PTH2R: variants seen among roughly 807,000 people sequenced by gnomAD.
PTH2R encodes PTH2 receptor.
In PTH2R, 59 loss-of-function variants were observed where a neutral mutation model predicts 60.3. The ratio of observed to expected loss-of-function variants is 0.98; its 90% CI spans 0.79 to 1.22. The LOEUF (loss-of-function observed/expected upper bound fraction) is 1.22, where lower values mean the gene tolerates loss of function less well. Ranked by LOEUF, PTH2R falls within the 50% of genes most tolerant of loss-of-function variation. The probability of loss-of-function intolerance (pLI) is 0.00; values close to 1 mark genes in which losing one functional copy is unlikely to be tolerated. For synonymous variants in PTH2R, 256 were observed against 243.8 expected, an observed-to-expected ratio of 1.05 and a Z score of -0.47; for missense variants, 749 against 682.6, an observed-to-expected ratio of 1.10 and a Z score of -1.08.
In PTH2R at chr2:208,434,216, A is replaced by G. The variant is rs1457488817; in HGVS notation, c.179-3321A>G. On this transcript the variant is annotated intron_variant, in intron 2 of 12. Transcript: ENST00000272847. ...GTAGTCCCAGCTACTTGGGAGGATG[A>G]ACAGGAAAACTGCTTGAACTCGGGA... Among the ~76,000 whole-genome samples the G allele has an allele frequency of 2.0e-5, 3 of 152,068 alleles. No homozygotes were observed. The East Asian group carries it at 5.8e-4, about 29-fold the overall frequency.
At position 208,493,547 on chromosome 2, in the gene PTH2R, A is replaced by G. The variant is rs372032169; in HGVS notation, c.1541A>G (p.Lys514Arg). 6.8e-6 allele frequency: 11 copies of G among 1,613,840 alleles called. No individual in the cohort carries two copies. Among genetic ancestry groups the G allele is most frequent in the Non-Finnish European group, 9.3e-6 (11 of 1,179,868 alleles). Residue 514 changes from lysine (K) to arginine (R), a missense_variant, in exon 13 of 13, where the codon AAG becomes AGG. By Grantham distance (26) the Lys-to-Arg change is conservative. Transcript: ENST00000272847. ...CLPHSFHEET[K>R]EDSGRQGDDI... ...CCACACTCTTTCCACGAGGAGACCA[A>G]GGAAGATAGTGGGAGGCAGGGAGAT...
intron 2 of PTH2R, among the ~76,000 whole-genome samples, chr2:208,431,094 T>C (rs1299189681): frequency 1.3e-5 from 2 of 152,356 alleles, no homozygotes; most frequent in African/African-American, 4.8e-5. Flanking sequence ...TCTTTGTGTG[T>C]CGATGTCTTA....
At chr2:208,450,307 C>T (rs921074851) in intron 7 of PTH2R, among the ~76,000 whole-genome samples, 1 of 152,282 alleles carries the variant, frequency 6.6e-6, no homozygotes, top group Non-Finnish European at 1.5e-5. Context: ...GTATGCCTTC[C>T]ATTTTTAGGA....
chr2:208,405,907 A>G (rs1054065117), upstream of PTH2R, among the ~76,000 whole-genome samples: 1 of 152,204 alleles, frequency 6.6e-6, no homozygotes, highest in Non-Finnish European at 1.5e-5. Flanking sequence ...GCGGGCTTTT[A>G]TCAGACACTG....
intron 7 of PTH2R, among the ~76,000 whole-genome samples, chr2:208,447,432 C>T (rs1702309024): frequency 6.6e-6 from 1 of 151,634 alleles, no homozygotes; most frequent in African/African-American, 2.4e-5. Context: ...ACTAAAAATA[C>T]AAAAAATTAG....
At chr2:208,488,676 C>T (rs1175252371) in intron 10 of PTH2R, among the ~76,000 whole-genome samples, 1 of 151,848 alleles carries the variant, frequency 6.6e-6, no homozygotes, top group Non-Finnish European at 1.5e-5. Context: ...GAAAGGTCAG[C>T]CCAAGCCTGG....
chr2:208,483,885 C>A (rs1334950034), intron 10 of PTH2R, among the ~76,000 whole-genome samples: 1 of 152,100 alleles, frequency 6.6e-6, no homozygotes, highest in African/African-American at 2.4e-5. Context: ...TTTGAGAATT[C>A]AATTCCATAT....
chr2:208,407,250 C>G, intron 1 of PTH2R, 132 bp downstream of exon 1: 1 of 695,900 alleles, frequency 1.4e-6, no homozygotes, highest in Non-Finnish European at 2.1e-6. Context: ...CGGCACGCAC[C>G]GAGGCGTACC....
At chr2:208,397,057 C>G (rs757730885) in intron 1 of PTH2R, among the ~76,000 whole-genome samples, 1 of 151,926 alleles carries the variant, frequency 6.6e-6, no homozygotes, top group Non-Finnish European at 1.5e-5. Flanking sequence ...GACCCAAGGA[C>G]AGAAAACCAA....
intron 1 of PTH2R, among the ~76,000 whole-genome samples, chr2:208,408,740 A>AGAAAGAGAGAGAGAGAG (rs1553542827): frequency 0.012 from 1,489 of 123,214 alleles, 46 homozygotes; most frequent in African/African-American, 0.042. Flanking sequence ...GAGAGAGAGA[A>AGAAAGAGAGAGAGAGAG]AGAGAGAGAG....
intron 9 of PTH2R, among the ~76,000 whole-genome samples, chr2:208,470,620 C>T (rs762232653): frequency 1.1e-4 from 17 of 151,442 alleles, no homozygotes; most frequent in Non-Finnish European, 1.6e-4. Context: ...CATCCCCAGC[C>T]GCATGGAACT....
intron 1 of PTH2R, among the ~76,000 whole-genome samples, chr2:208,414,688 C>T (rs1701604236): frequency 6.6e-6 from 1 of 151,934 alleles, no homozygotes. Context: ...GGTCTGCTAA[C>T]CAAATTCATT....
intron 9 of PTH2R, among the ~76,000 whole-genome samples, chr2:208,478,888 T>C (rs1293826692): frequency 6.6e-6 from 1 of 152,202 alleles, no homozygotes; most frequent in Non-Finnish European, 1.5e-5. Flanking sequence ...AGAAAATGCC[T>C]GTCTCATAGA....
At chr2:208,472,046 G>T (rs1385799672) in intron 9 of PTH2R, among the ~76,000 whole-genome samples, 1 of 152,124 alleles carries the variant, frequency 6.6e-6, no homozygotes, top group Admixed American at 6.5e-5. Context: ...ATCCCATTTG[G>T]AATGGCTGTA....
intron 1 of PTH2R, among the ~76,000 whole-genome samples, chr2:208,362,837 A>AGT (rs4021384): frequency 0.011 from 1,601 of 150,570 alleles, 32 homozygotes; most frequent in African/African-American, 0.035. Flanking sequence ...AACACTTATT[A>AGT]GTGTGTGTGT....
chr2:208,455,404 C>T (rs1486432729), intron 8 of PTH2R, among the ~76,000 whole-genome samples: 4 of 152,110 alleles, frequency 2.6e-5, no homozygotes, highest in Admixed American at 6.5e-5. Context: ...CAAAGCTTAC[C>T]GCTAGACTGA....
At chr2:208,359,976 C>A in exon 1 of PTH2R, 1 of 279,250 alleles carries the variant, frequency 3.6e-6, no homozygotes, top group South Asian at 3.3e-5. Flanking sequence ...GCGGGAGGAG[C>A]GGATGGGGCT....
chr2:208,395,172 G>T (rs552797346), intron 1 of PTH2R, among the ~76,000 whole-genome samples: 23 of 151,550 alleles, frequency 1.5e-4, no homozygotes, highest in African/African-American at 5.3e-4. Context: ...CTCAGCCTCC[G>T]CAGTAGCTGG....
chr2:208,364,911 T>C (rs1700548077), intron 1 of PTH2R, among the ~76,000 whole-genome samples: 1 of 152,168 alleles, frequency 6.6e-6, no homozygotes, highest in South Asian at 2.1e-4. Context: ...TTGTTTTCTT[T>C]TTGATGCCAT....
Sources: gnomAD v4.1 joint callset for allele counts (sites outside exome capture counted in the v4.1 genomes callset) on GRCh38, gnomAD v4.1.1 for gene constraint, MANE v1.5 for transcripts, NCBI Gene and HGNC (gene_info 2026-07-23, HGNC 2026-07-21) for gene names.